The following GALNT18 variants were observed in gnomAD, a reference collection of about 807,000 sequenced individuals.
The protein encoded by GALNT18 is polypeptide N-acetylgalactosaminyltransferase 18.
In GALNT18, 44 loss-of-function variants were observed where a neutral mutation model predicts 69.5. The observed-to-expected ratio is 0.63, with a 90% confidence interval of 0.50 to 0.81. The LOEUF is 0.81. Among genes scored for constraint, GALNT18 ranks in the 40% least tolerant of loss-of-function variants. The probability of loss-of-function intolerance (pLI) is 0.00; values close to 1 mark genes in which losing one functional copy is unlikely to be tolerated. For synonymous variants in GALNT18, 364 were observed against 318.2 expected (o/e 1.14, Z -1.53); for missense variants, 715 against 810.0 (o/e 0.88, Z 1.42).
rs111862460 is a variant in GALNT18, at chr11:11,598,238, T to C, written c.235+23121A>G. ...AATAATCTATAACAAATTATAACTG[T>C]AATCTATAACAAATTATTATAAACC... is the stretch of plus-strand genomic sequence containing the variant. On this transcript the variant is annotated intron_variant, in intron 1 of 10. Transcript: ENST00000227756. This position sits in a 1 kb window ranked among gnomAD's most constrained non-coding sequence, Gnocchi z 4.8. Among the ~76,000 whole-genome samples, 11 of 148,626 alleles carry C rather than the reference T, an allele frequency of 7.4e-5. No homozygotes were observed. Among genetic ancestry groups the C allele is most frequent in the African/African-American group, 2.9e-4 (11 of 38,072 alleles).
At chr11:11,450,261 A>G (rs1855763035) in intron 1 of GALNT18, among the ~76,000 whole-genome samples, 1 of 152,218 alleles carries the variant, frequency 6.6e-6, no homozygotes, top group Admixed American at 6.5e-5. Context: ...CAATGGGTGT[A>G]TGACACACCT....
At chr11:11,612,874 A>G (rs545591149) in intron 1 of GALNT18, among the ~76,000 whole-genome samples, 2 of 152,298 alleles carry the variant, frequency 1.3e-5, no homozygotes, top group South Asian at 2.1e-4. Context: ...CAAACACTGT[A>G]TTTCTGTGAG....
rs1344472882 is a variant in GALNT18 at position 11,432,766 on chromosome 11, A to G, written c.450T>C (p.Pro150=). The change falls in exon 3 of 11, where the codon CCT becomes CCC. Residue 150 remains proline (P), a synonymous_variant. Coordinates refer to ENST00000227756, the MANE Select transcript of GALNT18 (RefSeq NM_198516.3). This position sits in a 1 kb window ranked among gnomAD's most constrained non-coding sequence, Gnocchi z 5.8. ...CGATGCTCACCTCTGGCAGGCTGTC[A>G]GGAAATGAGAGGTTACGGCACCTGC... ...RPSGCRNLSF[P]DSLPEVSIVF... The G allele has an allele frequency of 1.2e-6, 2 of 1,614,032 alleles. No individual in the cohort carries two copies. The highest frequency in any genetic ancestry group is 2.2e-5 in the South Asian group (2 of 91,022).
At chr11:11,351,572 C>A (rs981110137) in intron 6 of GALNT18, among the ~76,000 whole-genome samples, 3 of 152,152 alleles carry the variant, frequency 2.0e-5, no homozygotes, top group African/African-American at 7.2e-5. Flanking sequence ...AACCAAAACC[C>A]TATAGAAGCC....
Position 11,320,374 on chromosome 11 carries a change from CG to C in GALNT18, c.1512+6711del, listed in dbSNP as rs1361016412. ...CACAATGGCATGTGACAGTTCCATCCGTGCATACACGACCTTCCCAAAGCTC... is the reference window on the plus strand; with the variant it reads ...CACAATGGCATGTGACAGTTCCATCCTGCATACACGACCTTCCCAAAGCTC... On this transcript the variant is annotated intron_variant, in intron 9 of 10. Transcript: ENST00000227756. The surrounding 1 kb of genome is among the most constrained non-coding windows in gnomAD (Gnocchi z 4.9). Among the ~76,000 whole-genome samples, 18 of 152,316 alleles carry C rather than the reference CG, an allele frequency of 1.2e-4. No individual in the cohort carries two copies. Among genetic ancestry groups the C allele is most frequent in the Admixed American group, 5.9e-4 (9 of 15,306 alleles).
In GALNT18 at chr11:11,462,080, C is replaced by T. The variant is rs1196044484; in HGVS notation, c.236-13144G>A. ...CCCAGAGGGCAGTCAGATTACAGAT[C>T]GTGGGGTCCCACCCCAGAGTTTCTC... On this transcript the variant is annotated intron_variant, in intron 1 of 10. Coordinates refer to ENST00000227756, the MANE Select transcript of GALNT18 (RefSeq NM_198516.3). 2.6e-5 allele frequency among the ~76,000 whole-genome samples: 4 copies of T among 152,152 alleles called. No individual in the cohort carries two copies. The East Asian group carries it at 5.8e-4, about 22-fold the overall frequency.
intron 1 of GALNT18, among the ~76,000 whole-genome samples, chr11:11,498,436 C>A (rs1173207667): frequency 6.6e-6 from 1 of 152,190 alleles, no homozygotes; most frequent in African/African-American, 2.4e-5. Context: ...GAATGCCCAG[C>A]AGGCTGTGGA....
intron 1 of GALNT18, among the ~76,000 whole-genome samples, chr11:11,568,928 G>A (rs146937670): frequency 4.8e-4 from 73 of 152,248 alleles, no homozygotes; most frequent in African/African-American, 1.6e-3. Context: ...GTACAAATTC[G>A]GTTTCTAGGT....
At chr11:11,277,633 A>C (rs896200365) in intron 10 of GALNT18, among the ~76,000 whole-genome samples, 5 of 152,152 alleles carry the variant, frequency 3.3e-5, no homozygotes, top group Non-Finnish European at 7.3e-5. Context: ...TCTTGTGGGC[A>C]TTTAGTGCTA....
rs947178827 is a variant in GALNT18, at chr11:11,586,815, A to C, written c.235+34544T>G. On this transcript the variant is annotated intron_variant, in intron 1 of 10. Transcript: ENST00000227756. This position sits in a 1 kb window ranked among gnomAD's most constrained non-coding sequence, Gnocchi z 4.1. ...ATGGTTAAACACCATCTCTACTAAA[A>C]ACACACACACACACACACAAAAAAA... is the stretch of plus-strand genomic sequence containing the variant. 1.4e-5 allele frequency among the ~76,000 whole-genome samples: 1 copy of C among 72,618 alleles called. No individual in the cohort carries two copies. The highest frequency in any genetic ancestry group is 3.9e-5 in the African/African-American group (1 of 25,440). 47.6% of individuals were successfully genotyped at this position (72,618 alleles called of 152,430 possible).
At chr11:11,471,800 A>G (rs924609414) in intron 1 of GALNT18, among the ~76,000 whole-genome samples, 12 of 152,248 alleles carry the variant, frequency 7.9e-5, no homozygotes, top group Admixed American at 4.6e-4. Flanking sequence ...TCTCCTGACC[A>G]GTGGGGCCAT....
At chr11:11,283,876 A>C (rs1195764436) in intron 10 of GALNT18, among the ~76,000 whole-genome samples, 1 of 152,182 alleles carries the variant, frequency 6.6e-6, no homozygotes, top group Admixed American at 6.5e-5. Context: ...AAAAGAAAAA[A>C]ATCAAATTTG....
At chr11:11,327,827 C>T (rs1442303197) in intron 8 of GALNT18, among the ~76,000 whole-genome samples, 2 of 152,216 alleles carry the variant, frequency 1.3e-5, no homozygotes, top group African/African-American at 4.8e-5. Context: ...ATGTTACTTT[C>T]TTGCTTACAG....
chr11:11,481,157 C>A (rs76635066), intron 1 of GALNT18, among the ~76,000 whole-genome samples: 5,251 of 152,240 alleles, frequency 0.034, 200 homozygotes, highest in African/African-American at 0.1. Context: ...AAGCTCAGGA[C>A]TGAGAGAGCA....
intron 9 of GALNT18, among the ~76,000 whole-genome samples, 174 bp from the exon 10 acceptor site, chr11:11,293,367 C>A (rs968506260): frequency 6.6e-5 from 10 of 152,132 alleles, no homozygotes; most frequent in African/African-American, 1.9e-4. Context: ...CAAGAAGAAA[C>A]CCTTTTACAT....
intron 1 of GALNT18, among the ~76,000 whole-genome samples, chr11:11,569,508 G>T (rs1386463835): frequency 6.6e-6 from 1 of 152,174 alleles, no homozygotes; most frequent in East Asian, 1.9e-4. Context: ...ATCTCAGAGG[G>T]CTTGCAGACC....
intron 10 of GALNT18, among the ~76,000 whole-genome samples, chr11:11,279,339 T>C (rs1849017629): frequency 6.6e-6 from 1 of 152,160 alleles, no homozygotes; most frequent in Non-Finnish European, 1.5e-5. Flanking sequence ...TAAAAAAATT[T>C]AAGACTAAAA....
intron 10 of GALNT18, among the ~76,000 whole-genome samples, chr11:11,286,432 C>T (rs1435501093): frequency 6.6e-6 from 1 of 152,138 alleles, no homozygotes; most frequent in Non-Finnish European, 1.5e-5. Context: ...TGGGGATTTT[C>T]CAGCTAAGCA....
At chr11:11,282,507 T>TG (rs2132987592) in intron 10 of GALNT18, among the ~76,000 whole-genome samples, 1 of 152,296 alleles carries the variant, frequency 6.6e-6, no homozygotes, top group South Asian at 2.1e-4. Flanking sequence ...CAGGGTCACA[T>TG]GGTCAGTAAA....
Sources: gnomAD v4.1 joint callset for allele counts (sites outside exome capture counted in the v4.1 genomes callset) on GRCh38, gnomAD v4.1.1 for gene constraint, Gnocchi (gnomAD v3.1) non-coding constraint, MANE v1.5 for transcripts, NCBI Gene and HGNC (gene_info 2026-07-23, HGNC 2026-07-21) for gene names.